PBX1: variants seen among roughly 807,000 people sequenced by gnomAD.
The protein encoded by PBX1 is PBX homeobox 1.
PBX1 carries 6 observed loss-of-function variants against 53.4 expected under a neutral mutation model. The observed-to-expected ratio is 0.11, with a 90% confidence interval of 0.06 to 0.22. The LOEUF (loss-of-function observed/expected upper bound fraction) is 0.22, where lower values mean the gene tolerates loss of function less well. PBX1 is among the 10% of genes least tolerant of loss of function. The probability of loss-of-function intolerance (pLI) is 1.00; values close to 1 mark genes in which losing one functional copy is unlikely to be tolerated. For missense variants in PBX1, 251 were observed against 551.4 expected (o/e 0.46, Z 5.46); for synonymous variants, 204 against 212.3 (o/e 0.96, Z 0.34).
chr1:164,819,692 A>C, intron 6 of PBX1: 1 of 168,760 alleles, frequency 5.9e-6, no homozygotes, highest in Non-Finnish European at 1.3e-5. Context: ...TGACCAGCCC[A>C]TAGCCTCCAT....
At chr1:164,579,335 CT>C (rs34636095) in intron 2 of PBX1, among the ~76,000 whole-genome samples, 7,228 of 152,228 alleles carry the variant, frequency 0.047, 282 homozygotes, top group African/African-American at 0.11. Context: ...TCATCTTTCA[CT>C]TTCATACCCT....
intron 2 of PBX1, among the ~76,000 whole-genome samples, chr1:164,665,133 C>G (rs183179598): frequency 1.3e-5 from 2 of 152,262 alleles, no homozygotes; most frequent in East Asian, 3.9e-4. Context: ...ACTAGATGAT[C>G]TCTTGTACAT....
At chr1:164,756,967 TG>T (rs1167921728) in intron 2 of PBX1, among the ~76,000 whole-genome samples, 6 of 152,224 alleles carry the variant, frequency 3.9e-5, no homozygotes, top group Non-Finnish European at 7.3e-5. Context: ...TGTGATGCAT[TG>T]GGAGTTGTAG....
Position 164,821,591 on chromosome 1 carries a change from G to A in PBX1, c.1165G>A (p.Ala389Thr), listed in dbSNP as rs541105414. 17 of 1,613,930 alleles carry A rather than the reference G, an allele frequency of 1.1e-5. No homozygotes were observed. The highest frequency in any genetic ancestry group is 4.5e-5 in the East Asian group (2 of 44,878). The change falls in exon 8 of 9, where the codon GCA (alanine) becomes ACA (threonine). Residue 389 changes from alanine (A) to threonine (T), a missense_variant. By Grantham distance (58) the Ala-to-Thr change is moderately conservative. Around this residue, in one of 4 missense-constraint regions of PBX1, gnomAD observed 92 missense variants for 130.4 expected, o/e 0.71. Coordinates refer to ENST00000420696, the MANE Select transcript of PBX1 (RefSeq NM_002585.4). ...GACAGGAGGATACAGTGATGGACTC[G>A]CAGCCAGTCAGATGTACAGTCCGCA... ...SQTGGYSDGL[A>T]ASQMYSPQGI...
At chr1:164,725,231 A>G (rs969130671) in intron 2 of PBX1, among the ~76,000 whole-genome samples, 5 of 152,164 alleles carry the variant, frequency 3.3e-5, no homozygotes, top group African/African-American at 1.2e-4. Context: ...ACTGGAGGCC[A>G]TGATACAGAC....
chr1:164,787,566 G>A (rs1312160923), intron 2 of PBX1: 1 of 152,176 alleles, frequency 6.6e-6, no homozygotes, highest in Non-Finnish European at 1.5e-5. Context: ...CCCGCCACAC[G>A]GCCCTCCCGC....
chr1:164,764,549 T>C (rs1261632751), intron 2 of PBX1, among the ~76,000 whole-genome samples: 1 of 152,226 alleles, frequency 6.6e-6, no homozygotes, highest in African/African-American at 2.4e-5. Flanking sequence ...GAGAAACTTA[T>C]GGTGCTGCCT....
Position 164,559,854 on chromosome 1 carries a change from A to G in PBX1, c.32A>G (p.His11Arg). The part of the protein sequence containing the change: MDEQPRLMHS[H>R]AGVGMAGHPG... The stretch of plus-strand genomic sequence containing the variant: ...GAGCAGCCCAGGCTGATGCATTCCC[A>G]TGCTGGGGTCGGGATGGCCGGACAC... The change falls in exon 1 of 9, where the codon CAT (histidine) becomes CGT (arginine). Residue 11 changes from histidine to arginine, a missense_variant. By Grantham distance (29) the His-to-Arg change is conservative. Coordinates refer to ENST00000420696, the MANE Select transcript of PBX1 (RefSeq NM_002585.4). The G allele has an allele frequency of 6.5e-7, 1 of 1,546,042 alleles. No homozygotes were observed. The highest frequency in any genetic ancestry group is 8.7e-7 in the Non-Finnish European group (1 of 1,144,346).
chr1:164,608,488 T>C (rs1202182603), intron 2 of PBX1, among the ~76,000 whole-genome samples: 1 of 152,230 alleles, frequency 6.6e-6, no homozygotes, highest in Non-Finnish European at 1.5e-5. Context: ...CTTTCCACTT[T>C]TGTAAGTATT....
At chr1:164,752,774 G>A (rs1471482596) in intron 2 of PBX1, among the ~76,000 whole-genome samples, 1 of 152,176 alleles carries the variant, frequency 6.6e-6, no homozygotes, top group Non-Finnish European at 1.5e-5. Context: ...CAGCTGCAGT[G>A]ATCCACATGG....
chr1:164,673,788 C>T (rs765891098), intron 2 of PBX1, among the ~76,000 whole-genome samples: 4 of 152,144 alleles, frequency 2.6e-5, no homozygotes, highest in Non-Finnish European at 5.9e-5. Context: ...TGATTCCACG[C>T]GGATCTCTCG....
intron 2 of PBX1, among the ~76,000 whole-genome samples, chr1:164,640,742 G>A (rs1659088320): frequency 1.3e-5 from 2 of 151,810 alleles, no homozygotes; most frequent in African/African-American, 2.4e-5. Flanking sequence ...TATTTTAGTA[G>A]AGACGGGGTT....
intron 2 of PBX1, among the ~76,000 whole-genome samples, chr1:164,723,016 G>T (rs1664493056): frequency 6.6e-6 from 1 of 152,138 alleles, no homozygotes; most frequent in South Asian, 2.1e-4. Flanking sequence ...CTATACAGAG[G>T]TTCAGAAATC....
In PBX1 at chr1:164,811,980, A is replaced by T; in HGVS notation, c.838-10A>T. ...TGTGAACTTTCTCATCTTCTCTTAA[A>T]CTACTCTAGGTATCAAACTGGTTTG... On this transcript the variant is annotated splice_polypyrimidine_tract_variant and intron_variant, in intron 5 of 8. Transcript: ENST00000420696. 6.2e-7 allele frequency: 1 copy of T among 1,605,596 alleles called. No homozygotes were observed. The highest frequency in any genetic ancestry group is 1.3e-5 in the African/African-American group (1 of 74,688).
chr1:164,647,905 C>G (rs1405017557), intron 2 of PBX1, among the ~76,000 whole-genome samples: 1 of 151,780 alleles, frequency 6.6e-6, no homozygotes, highest in Non-Finnish European at 1.5e-5. Flanking sequence ...AACTCCGCCT[C>G]CCGGGTTCAT....
At chr1:164,667,837 C>G (rs897823580) in intron 2 of PBX1, among the ~76,000 whole-genome samples, 2 of 152,160 alleles carry the variant, frequency 1.3e-5, no homozygotes, top group Non-Finnish European at 2.9e-5. Flanking sequence ...GGTCTCAGGA[C>G]AACAAGGCTC....
intron 2 of PBX1, among the ~76,000 whole-genome samples, chr1:164,603,590 A>G (rs1402301946): frequency 2.6e-5 from 4 of 152,238 alleles, no homozygotes; most frequent in Non-Finnish European, 4.4e-5. Context: ...TTTTTAAGCT[A>G]CAATATGTAA....
intron 2 of PBX1, among the ~76,000 whole-genome samples, chr1:164,646,193 G>A (rs1659443177): frequency 6.6e-6 from 1 of 152,184 alleles, no homozygotes; most frequent in South Asian, 2.1e-4. Context: ...TGGAGCAGAA[G>A]AATGAAGGGG....
chr1:164,876,528 A>G (rs1672515462), intron 2 of PBX1, among the ~76,000 whole-genome samples: 1 of 151,052 alleles, frequency 6.6e-6, no homozygotes, highest in African/African-American at 2.4e-5. Context: ...CTCAGGGCTA[A>G]TCTATAAGTG....
Sources: gnomAD v4.1 joint callset for allele counts (sites outside exome capture counted in the v4.1 genomes callset) on GRCh38, gnomAD v4.1.1 for gene constraint, gnomAD v4.1.1 regional missense constraint, MANE v1.5 for transcripts, NCBI Gene and HGNC (gene_info 2026-07-23, HGNC 2026-07-21) for gene names.